Variants in CCPG1 observed in about 807,000 individuals in gnomAD.
The protein encoded by CCPG1 is cell cycle progression protein 1.
In CCPG1, 46 loss-of-function variants were observed where a neutral mutation model predicts 81.3. The ratio of observed to expected loss-of-function variants is 0.57; its 90% CI spans 0.45 to 0.72. The LOEUF is 0.72. Among genes scored for constraint, CCPG1 ranks in the 30% least tolerant of loss-of-function variants. The pLI, the probability that CCPG1 is intolerant of heterozygous loss-of-function variation, is 0.00. For missense variants in CCPG1, 902 were observed against 937.6 expected (o/e 0.96, Z 0.50); for synonymous variants, 330 against 305.2 (o/e 1.08, Z -0.85).
rs991172211 is a variant in CCPG1, at chr15:55,373,028, C to T, written c.455-984G>A. 7.5e-6 allele frequency: 4 copies of T among 534,488 alleles called. No individual in the cohort carries two copies. The African/African-American group carries it at 7.7e-5, about 10-fold the overall frequency. The allele number at this position is 534,488 out of a possible 1,614,324, so 33.1% of individuals were successfully genotyped here. A position where few individuals can be genotyped will look rare whatever the true frequency, so the allele number is the denominator to read the frequency against. On this transcript the variant is annotated intron_variant, in intron 5 of 8. Transcript: ENST00000442196. ...ATGTCAGCATGAGGAAGTGACACAA[C>T]AGCTATCTCCGATATTAAGGACTAT...
At chr15:55,367,373 C>T (rs890311673) in intron 6 of CCPG1, among the ~76,000 whole-genome samples, 32 of 152,228 alleles carry the variant, frequency 2.1e-4, no homozygotes, top group African/African-American at 7.5e-4. Context: ...TTAATGTGGC[C>T]TTTTACAATA....
chr15:55,372,056 A>G lies in CCPG1; in HGVS notation c.455-12T>C. 1.9e-6 allele frequency: 3 copies of G among 1,607,160 alleles called. No homozygotes were observed. The highest frequency in any genetic ancestry group is 2.6e-6 in the Non-Finnish European group (3 of 1,176,120). On this transcript the variant is annotated splice_polypyrimidine_tract_variant and intron_variant, in intron 5 of 8. Coordinates refer to ENST00000442196, the MANE Select transcript of CCPG1 (RefSeq NM_001204450.2). ...CTGAGATGAAAATACTATTAAGAAA[A>G]AAGTTGACATTTAGCTATTCAAAAT...
Position 55,377,057 on chromosome 15 carries a change from C to A in CCPG1, c.346G>T (p.Glu116Ter). 1 of 1,613,874 alleles carries A rather than the reference C, an allele frequency of 6.2e-7. No individual in the cohort carries two copies. Among genetic ancestry groups the A allele is most frequent in the East Asian group, 2.2e-5 (1 of 44,848 alleles). ...ATGACAACTTCTTGATTTCCAATTT[C>A]TTCTAACTTAGGTGGCTCAAGGGTA... ...IVTLEPPKLE[E>*]IGNQEVVIVE... Residue 116 changes from glutamate (E) to a stop codon, truncating the protein, a stop_gained, in exon 5 of 9, where the codon GAA becomes TAA. Coordinates refer to ENST00000442196, the MANE Select transcript of CCPG1 (RefSeq NM_001204450.2). LOFTEE classifies it high-confidence loss of function.
intron 6 of CCPG1, among the ~76,000 whole-genome samples, chr15:55,369,626 A>G (rs992202741): frequency 3.3e-5 from 5 of 152,174 alleles, no homozygotes; most frequent in African/African-American, 1.2e-4. Flanking sequence ...TCTCATTACT[A>G]TGTAGGCCTA....
intron 1 of CCPG1, among the ~76,000 whole-genome samples, chr15:55,400,878 A>G (rs1044868024): frequency 6.6e-6 from 1 of 152,192 alleles, no homozygotes; most frequent in Non-Finnish European, 1.5e-5. Flanking sequence ...GTAGTTCCTT[A>G]TAAGTTGGGT....
At chr15:55,399,275 T>A (rs1347824482) in intron 1 of CCPG1, among the ~76,000 whole-genome samples, 12 of 152,020 alleles carry the variant, frequency 7.9e-5, no homozygotes, top group Non-Finnish European at 7.4e-5. Flanking sequence ...TTTTTGTACC[T>A]GAACACAACT....
intron 1 of CCPG1, among the ~76,000 whole-genome samples, chr15:55,396,956 G>A (rs2057028857): frequency 6.6e-6 from 1 of 152,174 alleles, no homozygotes; most frequent in Non-Finnish European, 1.5e-5. Context: ...TGTAATCCCA[G>A]CACTCCAGGC....
chr15:55,401,720 G>C (rs1332253733), intron 1 of CCPG1, among the ~76,000 whole-genome samples: 2 of 150,596 alleles, frequency 1.3e-5, no homozygotes, highest in Non-Finnish European at 1.5e-5. Context: ...AGATGAAAGA[G>C]ACTGCAGGTT....
rs143277797 is a variant in CCPG1 at position 55,378,903 on chromosome 15, T to C, written c.176-527A>G. 3.1e-3 allele frequency among the ~76,000 whole-genome samples: 469 copies of C among 152,150 alleles called. 3 individuals carry two copies. Among genetic ancestry groups the C allele is most frequent in the African/African-American group, 0.011 (450 of 41,476 alleles). Reference sequence around the variant, plus strand: ...TGAGCCATCGTGCCCAGCCACAAGATTTATTAAGAACTCAAAGCTACCTTG... The same window carrying C: ...TGAGCCATCGTGCCCAGCCACAAGACTTATTAAGAACTCAAAGCTACCTTG... On this transcript the variant is annotated intron_variant, in intron 3 of 8. Transcript: ENST00000442196.
At chr15:55,367,604 G>C (rs1305019686) in intron 6 of CCPG1, among the ~76,000 whole-genome samples, 1 of 120,370 alleles carries the variant, frequency 8.3e-6, no homozygotes, top group Non-Finnish European at 1.7e-5. Flanking sequence ...GCTGTGTAGG[G>C]GGCCTGTTTG....
intron 1 of CCPG1, among the ~76,000 whole-genome samples, chr15:55,403,997 A>C (rs2141352709): frequency 6.6e-6 from 1 of 152,346 alleles, no homozygotes; most frequent in Admixed American, 6.5e-5. Context: ...TATACAACCC[A>C]TACAATAATA....
chr15:55,371,801 T>A lies in CCPG1; in HGVS notation c.698A>T (p.His233Leu), dbSNP rs942836883. 6.2e-7 allele frequency: 1 copy of A among 1,613,326 alleles called. No homozygotes were observed. The highest frequency in any genetic ancestry group is 1.7e-5 in the Admixed American group (1 of 59,984). The change falls in exon 6 of 9, where the codon CAT becomes CTT. Residue 233 changes from histidine to leucine, a missense_variant. This residue lies in a region of CCPG1 where 746 missense variants were observed against 728.6 expected (regional missense o/e 1.02). Coordinates refer to ENST00000442196, the MANE Select transcript of CCPG1 (RefSeq NM_001204450.2). ...CATTTTTGAGTACTTACCATAGAAA[T>A]GGCCAAATCCCATGCTGATTGCAAT... Reference protein sequence around the residue: ...LVIAISMGFGHFYGTIQIQKR... With the variant: ...LVIAISMGFGLFYGTIQIQKR...
intron 4 of CCPG1, 76 bp from the exon 5 acceptor site, chr15:55,377,226 TAGTA>T: frequency 1.0e-6 from 1 of 967,534 alleles, no homozygotes; most frequent in South Asian, 1.5e-5. Context: ...AATACAACAG[TAGTA>T]AGTATTATAG....
rs967056760 is a variant in CCPG1, at chr15:55,397,203, G to C, written c.-9-7770C>G. On this transcript the variant is annotated intron_variant, in intron 1 of 8. Coordinates refer to ENST00000442196, the MANE Select transcript of CCPG1 (RefSeq NM_001204450.2). ...CACTCCAGCCTGGGCGACAGAGCGA[G>C]ACTCCGTCTCAAAAAAAAACAAACA... Among the ~76,000 whole-genome samples the C allele has an allele frequency of 3.4e-5, 5 of 149,108 alleles. No individual in the cohort carries two copies. The Admixed American group carries it at 3.4e-4, about 10-fold the overall frequency.
intron 6 of CCPG1, among the ~76,000 whole-genome samples, chr15:55,367,362 C>G (rs2056351792): frequency 6.6e-6 from 1 of 152,140 alleles, no homozygotes; most frequent in Non-Finnish European, 1.5e-5. Context: ...TGATTACTGT[C>G]TTAATGTGGC....
At chr15:55,387,104 T>C (rs531804556) in intron 2 of CCPG1, among the ~76,000 whole-genome samples, 11 of 152,186 alleles carry the variant, frequency 7.2e-5, no homozygotes, top group Admixed American at 7.2e-4. Context: ...TAAGAGAAAT[T>C]AGCAAGAAAG....
chr15:55,385,754 G>T, intron 2 of CCPG1, 40 bp from the exon 3 acceptor site: 1 of 1,030,762 alleles, frequency 9.7e-7, no homozygotes, highest in Non-Finnish European at 1.5e-6. Flanking sequence ...TTGCCTATTA[G>T]CTCCTCAAAG....
chr15:55,397,311 T>C (rs1317585498), intron 1 of CCPG1, among the ~76,000 whole-genome samples: 1 of 152,082 alleles, frequency 6.6e-6, no homozygotes, highest in East Asian at 1.9e-4. Flanking sequence ...AGACTCCTTT[T>C]AAAAAGCGTT....
At chr15:55,389,493 A>G in intron 1 of CCPG1, 60 bp from the exon 2 acceptor site, 1 of 1,120,316 alleles carries the variant, frequency 8.9e-7, no homozygotes, top group East Asian at 2.4e-5. Flanking sequence ...TATAGGAAGC[A>G]CTATATGTGA....
Sources: allele counts gnomAD v4.1 joint callset (sites outside exome capture counted in the v4.1 genomes callset), GRCh38; gene constraint gnomAD v4.1.1; regional missense constraint gnomAD v4.1.1; transcripts MANE v1.5; gene names NCBI Gene and HGNC (gene_info 2026-07-23, HGNC 2026-07-21).